BCAS3: variants seen among roughly 807,000 people sequenced by gnomAD.
BCAS3 encodes BCAS4/BCAS3 fusion.
A neutral mutation model predicts 116.1 loss-of-function variants in BCAS3; 53 were observed. That is an observed-to-expected ratio of 0.46 (90% confidence interval 0.37 to 0.57). The LOEUF (loss-of-function observed/expected upper bound fraction) is 0.57. Ranked by LOEUF, BCAS3 falls within the 20% of genes least tolerant of loss-of-function variation. The probability of loss-of-function intolerance (pLI) is 0.00; values close to 1 mark genes in which losing one functional copy is unlikely to be tolerated. For missense variants in BCAS3, 917 were observed against 1,165.4 expected (o/e 0.79, Z 3.10); for synonymous variants, 391 against 408.2 (o/e 0.96, Z 0.51).
chr17:61,010,774 A>G (rs1441516129), intron 15 of BCAS3, among the ~76,000 whole-genome samples: 1 of 152,066 alleles, frequency 6.6e-6, no homozygotes, highest in Non-Finnish European at 1.5e-5. Flanking sequence ...TCTTTCCCCC[A>G]AGAGAACTCC....
chr17:61,298,187 T>C (rs2053108394), intron 22 of BCAS3, among the ~76,000 whole-genome samples: 1 of 152,168 alleles, frequency 6.6e-6, no homozygotes, highest in Non-Finnish European at 1.5e-5. Context: ...TTCTTCTCAC[T>C]CACCAAAGAC....
intron 23 of BCAS3, among the ~76,000 whole-genome samples, chr17:61,384,111 G>A (rs528599307): frequency 1.3e-5 from 2 of 152,184 alleles, no homozygotes; most frequent in East Asian, 3.9e-4. Flanking sequence ...CCCCCCATTG[G>A]CATCCACACA....
At chr17:60,730,879 G>A (rs2040390603) in intron 5 of BCAS3, among the ~76,000 whole-genome samples, 2 of 152,008 alleles carry the variant, frequency 1.3e-5, no homozygotes, top group Non-Finnish European at 2.9e-5. Context: ...TATCAAATTG[G>A]CTTACAGGGT....
chr17:60,964,103 G>A lies in BCAS3; in HGVS notation c.1221+16751G>A, dbSNP rs746106026. 4.6e-5 allele frequency among the ~76,000 whole-genome samples: 7 copies of A among 152,134 alleles called. No individual in the cohort carries two copies. The highest frequency in any genetic ancestry group is 2.1e-4 in the South Asian group (1 of 4,822). On this transcript the variant is annotated intron_variant, in intron 14 of 23. Transcript: ENST00000407086. This position sits in a 1 kb window ranked among gnomAD's most constrained non-coding sequence, Gnocchi z 4.6. ...AACCGTAGTGAGAGTGGACATACTC[G>A]TCTTGTTCCAGTCTTTAGAGGAAAG...
chr17:61,170,275 G>GT (rs1216892598), intron 22 of BCAS3, among the ~76,000 whole-genome samples: 1 of 151,170 alleles, frequency 6.6e-6, no homozygotes, highest in African/African-American at 2.4e-5. Context: ...TGATGTAATG[G>GT]TTTTTTGTTT....
In BCAS3 at chr17:61,125,733, C is replaced by G. The variant is rs1367909204; in HGVS notation, c.2425+41169C>G. Among the ~76,000 whole-genome samples, 5 of 152,264 alleles carry G rather than the reference C, an allele frequency of 3.3e-5. No individual in the cohort carries two copies. In the East Asian group the frequency reaches 9.6e-4, roughly 29 times the overall value. On this transcript the variant is annotated intron_variant, in intron 22 of 23. Coordinates refer to ENST00000407086, the MANE Select transcript of BCAS3 (RefSeq NM_017679.5). The stretch of plus-strand genomic sequence containing the variant: ...TGTATAGATACAGATGTGGAAATCT[C>G]TTAATGTTCAACCAGACTTTTCCAG...
intron 5 of BCAS3, among the ~76,000 whole-genome samples, chr17:60,727,810 CTT>C (rs756342642): frequency 9.6e-4 from 134 of 139,440 alleles, no homozygotes; most frequent in Admixed American, 1.2e-3. Flanking sequence ...TACTTTTTTC[CTT>C]TTTTTTTTTT....
chr17:61,316,502 C>G lies in BCAS3; in HGVS notation c.2426-51825C>G, dbSNP rs967425921. 1.6e-4 allele frequency among the ~76,000 whole-genome samples: 24 copies of G among 152,242 alleles called. No homozygotes were observed. The East Asian group carries it at 4.6e-3, about 29-fold the overall frequency. ...CCCCTCACCCAGCACCTCTGCCCTC[C>G]TATTTGCCTCCACATGCCGCCGCGT... On this transcript the variant is annotated intron_variant, in intron 22 of 23. Transcript: ENST00000407086. The surrounding 1 kb of genome is among the most constrained non-coding windows in gnomAD (Gnocchi z 5.8).
rs2076278785 is a variant in BCAS3, at chr17:61,130,598, C to T, written c.2425+46034C>T. The T allele has an allele frequency of 6.6e-6, 1 of 152,086 alleles. No homozygotes were observed. Among genetic ancestry groups the T allele is most frequent in the Non-Finnish European group, 1.5e-5 (1 of 68,040 alleles). 9.4% of individuals were successfully genotyped at this position (152,086 alleles called of 1,614,324 possible). ...GTTCTCAAGAATCTTCAGTTGTATC[C>T]CATTTTACACCAGGAAGTTCAAATG... is the stretch of plus-strand genomic sequence containing the variant. On this transcript the variant is annotated intron_variant, in intron 22 of 23. Transcript: ENST00000407086. The surrounding 1 kb of genome is among the most constrained non-coding windows in gnomAD (Gnocchi z 5.0).
rs34911740 is a variant in BCAS3, at chr17:61,348,754, C to CTTTT, written c.2426-19560_2426-19557dup. ...TCTTGCAACCTCTTGGGCAGAGATT[C>CTTTT]TTTTTTTTTTTTTTTTGAAACAGAG... On this transcript the variant is annotated intron_variant, in intron 22 of 23. Coordinates refer to ENST00000407086, the MANE Select transcript of BCAS3 (RefSeq NM_017679.5). The surrounding 1 kb of genome is among the most constrained non-coding windows in gnomAD (Gnocchi z 4.5). 3.0e-5 allele frequency among the ~76,000 whole-genome samples: 4 copies of CTTTT among 134,970 alleles called. No homozygotes were observed. The highest frequency in any genetic ancestry group is 6.2e-5 in the Non-Finnish European group (4 of 64,232). 88.5% of individuals were successfully genotyped at this position (134,970 alleles called of 152,430 possible).
In BCAS3 at chr17:61,097,847, T is replaced by C. The variant is rs538851640; in HGVS notation, c.2425+13283T>C. Among the ~76,000 whole-genome samples the C allele has an allele frequency of 1.3e-4, 20 of 152,346 alleles. No homozygotes were observed. The highest frequency in any genetic ancestry group is 4.3e-4 in the African/African-American group (18 of 41,584). On this transcript the variant is annotated intron_variant, in intron 22 of 23. Coordinates refer to ENST00000407086, the MANE Select transcript of BCAS3 (RefSeq NM_017679.5). This position sits in a 1 kb window ranked among gnomAD's most constrained non-coding sequence, Gnocchi z 4.0. Reference sequence around the variant, plus strand: ...ATTATGGTGACACCTCAGATAAGTCTAAACCTCTTTCTACCCTGCCTAATC... The same window carrying C: ...ATTATGGTGACACCTCAGATAAGTCCAAACCTCTTTCTACCCTGCCTAATC...
chr17:60,754,783 G>A (rs1485898307), intron 6 of BCAS3, among the ~76,000 whole-genome samples: 2 of 150,866 alleles, frequency 1.3e-5, no homozygotes, highest in African/African-American at 2.5e-5. Context: ...CTAAAAGTAG[G>A]CCAACTGACA....
intron 7 of BCAS3, among the ~76,000 whole-genome samples, chr17:60,818,583 C>T (rs932270632): frequency 3.3e-5 from 5 of 152,076 alleles, no homozygotes; most frequent in East Asian, 1.9e-4. Context: ...GTTGTGTTTG[C>T]GAGTTCTGAC....
chr17:61,269,454 G>A (rs1035024866), intron 22 of BCAS3, among the ~76,000 whole-genome samples: 1 of 152,012 alleles, frequency 6.6e-6, no homozygotes, highest in East Asian at 1.9e-4. Context: ...TCAAGAAGTG[G>A]GATTGCTGGA....
At chr17:61,294,344 C>T (rs1299107773) in intron 22 of BCAS3, among the ~76,000 whole-genome samples, 1 of 152,132 alleles carries the variant, frequency 6.6e-6, no homozygotes, top group Non-Finnish European at 1.5e-5. Context: ...GGACAAGGAA[C>T]TTCCCACCAG....
intron 6 of BCAS3, among the ~76,000 whole-genome samples, chr17:60,771,527 G>A (rs9906257): frequency 0.27 from 41,645 of 151,870 alleles, 11,402 homozygotes; most frequent in African/African-American, 0.71. Flanking sequence ...TATTAAAAGT[G>A]CATCAAAAGG....
At chr17:60,904,086 G>T (rs2058063302) in intron 11 of BCAS3, among the ~76,000 whole-genome samples, 1 of 152,158 alleles carries the variant, frequency 6.6e-6, no homozygotes, top group African/African-American at 2.4e-5. Flanking sequence ...ACATGCTGGA[G>T]TGAGGCTGGA....
intron 22 of BCAS3, among the ~76,000 whole-genome samples, chr17:61,295,164 G>C (rs1211730773): frequency 6.6e-6 from 1 of 152,184 alleles, no homozygotes; most frequent in African/African-American, 2.4e-5. Context: ...TCCCTAATAA[G>C]CTGCCCCAGA....
intron 6 of BCAS3, among the ~76,000 whole-genome samples, chr17:60,775,772 T>TG (rs1221674096): frequency 2.6e-5 from 4 of 152,098 alleles, no homozygotes; most frequent in Admixed American, 2.6e-4. Flanking sequence ...TACCTGGCAG[T>TG]GGGTAGTAGG....
Sources: gnomAD v4.1 joint callset for allele counts (sites outside exome capture counted in the v4.1 genomes callset) on GRCh38, gnomAD v4.1.1 for gene constraint, Gnocchi (gnomAD v3.1) non-coding constraint, MANE v1.5 for transcripts, NCBI Gene and HGNC (gene_info 2026-07-23, HGNC 2026-07-21) for gene names.